Variants in LRP1B observed in about 807,000 individuals in gnomAD.
The protein encoded by LRP1B is LDL receptor related protein 1B.
A neutral mutation model predicts 556.6 loss-of-function variants in LRP1B; 217 were observed. The observed-to-expected ratio is 0.39, with a 90% confidence interval of 0.35 to 0.44. LRP1B has a LOEUF of 0.44. Among genes scored for constraint, LRP1B ranks in the 20% least tolerant of loss-of-function variants. The pLI, the probability that LRP1B is intolerant of heterozygous loss-of-function variation, is 1.00. For synonymous variants in LRP1B, 2,047 were observed against 1,865.8 expected (o/e 1.10, Z -2.50); for missense variants, 5,053 against 5,620.8 (o/e 0.90, Z 3.23).
intron 66 of LRP1B, among the ~76,000 whole-genome samples, chr2:140,418,879 T>G (rs1210177183): frequency 2.0e-5 from 3 of 152,096 alleles, no homozygotes; most frequent in Non-Finnish European, 4.4e-5. Flanking sequence ...GAAACTGGTC[T>G]CCGGTGCCGA....
chr2:140,414,981 C>A (rs540750014), intron 66 of LRP1B, among the ~76,000 whole-genome samples: 1 of 152,098 alleles, frequency 6.6e-6, no homozygotes, highest in East Asian at 1.9e-4. Context: ...AATATTAGTA[C>A]CCTGGGAAAG....
At chr2:141,946,419 T>A (rs112110066) in intron 1 of LRP1B, among the ~76,000 whole-genome samples, 1 of 152,082 alleles carries the variant, frequency 6.6e-6, no homozygotes, top group Admixed American at 6.6e-5. Context: ...AGGTGTTGAG[T>A]CTTAGGTGGA....
chr2:140,379,358 T>C (rs2105185343), intron 67 of LRP1B, among the ~76,000 whole-genome samples: 1 of 152,288 alleles, frequency 6.6e-6, no homozygotes, highest in East Asian at 1.9e-4. Flanking sequence ...GAGTAACATC[T>C]TGATGGTTTG....
chr2:142,019,343 T>C (rs766625980), intron 1 of LRP1B, among the ~76,000 whole-genome samples: 1 of 152,202 alleles, frequency 6.6e-6, no homozygotes, highest in Non-Finnish European at 1.5e-5. Context: ...TTCCTAATTA[T>C]GATACACGAT....
intron 67 of LRP1B, among the ~76,000 whole-genome samples, chr2:140,378,652 T>A (rs947629081): frequency 6.6e-6 from 1 of 152,186 alleles, no homozygotes; most frequent in Non-Finnish European, 1.5e-5. Flanking sequence ...TTTAAGTAAG[T>A]ATGACATTTT....
intron 1 of LRP1B, among the ~76,000 whole-genome samples, chr2:141,850,689 C>T (rs1179311697): frequency 6.7e-6 from 1 of 149,394 alleles, no homozygotes; most frequent in East Asian, 2.0e-4. Flanking sequence ...TCAAAATTCT[C>T]ATTCCTGGCA....
Position 141,116,623 on chromosome 2 carries a change from A to G in LRP1B, c.1014-54350T>C, listed in dbSNP as rs184599228. On this transcript the variant is annotated intron_variant, in intron 7 of 90. Coordinates refer to ENST00000389484, the MANE Select transcript of LRP1B (RefSeq NM_018557.3). ...AAATCCCAGGGGCTCCTTAGAAGGT[A>G]GTATGGAAACCAGTATCATCTTTAT... is the stretch of plus-strand genomic sequence containing the variant. Among the ~76,000 whole-genome samples, 260 of 152,278 alleles carry G rather than the reference A, an allele frequency of 1.7e-3. 1 individual carries two copies. Among genetic ancestry groups the G allele is most frequent in the Admixed American group, 3.5e-3 (54 of 15,290 alleles).
chr2:141,275,923 T>C lies in LRP1B; in HGVS notation c.344-21282A>G, dbSNP rs147084712. Reference sequence around the variant, plus strand: ...CATGTAATGTACATATATATATATATACACATACACATATATAAAACTTTT... The same window carrying C: ...CATGTAATGTACATATATATATATACACACATACACATATATAAAACTTTT... On this transcript the variant is annotated intron_variant, in intron 3 of 90. Coordinates refer to ENST00000389484, the MANE Select transcript of LRP1B (RefSeq NM_018557.3). 4.9e-3 allele frequency among the ~76,000 whole-genome samples: 734 copies of C among 151,198 alleles called. 6 individuals are homozygous for C. Among genetic ancestry groups the C allele is most frequent in the African/African-American group, 0.017 (699 of 41,396 alleles).
At chr2:140,501,225 T>C (rs768411379) in intron 55 of LRP1B, among the ~76,000 whole-genome samples, 7 of 152,022 alleles carry the variant, frequency 4.6e-5, no homozygotes, top group Non-Finnish European at 1.0e-4. Flanking sequence ...TCATAGTTTA[T>C]GGATTTTTTA....
In LRP1B at chr2:140,930,879, T is replaced by G. The variant is rs776525398; in HGVS notation, c.3137-7732A>C. On this transcript the variant is annotated intron_variant, in intron 20 of 90. Transcript: ENST00000389484. ...ATTTCTTCTCCAGCCCTGACACTAC[T>G]TAGAAGCTGGTCTGGCAGCACATCC... 4.5e-4 allele frequency among the ~76,000 whole-genome samples: 68 copies of G among 152,126 alleles called. 1 individual carries two copies. The highest frequency in any genetic ancestry group is 6.9e-4 in the Non-Finnish European group (47 of 68,006).
chr2:141,818,835 T>C (rs7587392), intron 1 of LRP1B, among the ~76,000 whole-genome samples: 150,780 of 151,878 alleles, frequency 0.99, 74,852 homozygotes, highest in Middle Eastern at 1. Context: ...CGCACCTGGA[T>C]AACATTTCTG....
At chr2:141,335,819 G>T (rs1038439445) in intron 3 of LRP1B, among the ~76,000 whole-genome samples, 1 of 152,086 alleles carries the variant, frequency 6.6e-6, no homozygotes, top group Non-Finnish European at 1.5e-5. Flanking sequence ...ATGCGTGTGT[G>T]TTGTGTGTAT....
rs1684102883 is a variant in LRP1B, at chr2:141,247,318, T to C, written c.500A>G (p.Gln167Arg). The C allele has an allele frequency of 6.2e-7, 1 of 1,613,690 alleles. No individual in the cohort carries two copies. Among genetic ancestry groups the C allele is most frequent in the South Asian group, 1.1e-5 (1 of 91,088 alleles). ...DECAVYGTCSQTCRNTHGSYT... is the reference protein window; with the variant it reads ...DECAVYGTCSRTCRNTHGSYT... Reference sequence around the variant, plus strand: ...GGATCCATGTGTGTTTCTGCAGGTCTGGCTGCATGTACCATAAACAGCACA... The same window carrying C: ...GGATCCATGTGTGTTTCTGCAGGTCCGGCTGCATGTACCATAAACAGCACA... The change falls in exon 5 of 91, where the codon CAG becomes CGG. Residue 167 changes from glutamine to arginine, a missense_variant. Physicochemically the swap from Gln to Arg is conservative, Grantham distance 43. Transcript: ENST00000389484.
intron 43 of LRP1B, among the ~76,000 whole-genome samples, chr2:140,543,539 T>G (rs1039908843): frequency 6.6e-6 from 1 of 151,940 alleles, no homozygotes. Flanking sequence ...AAAAACCATT[T>G]GATAAGATAT....
chr2:140,456,271 C>T (rs1377004749), intron 62 of LRP1B, among the ~76,000 whole-genome samples, 184 bp downstream of exon 62: 1 of 151,782 alleles, frequency 6.6e-6, no homozygotes, highest in East Asian at 1.9e-4. Flanking sequence ...TTGTTTGTTT[C>T]CTTTTTGGCC....
intron 3 of LRP1B, among the ~76,000 whole-genome samples, chr2:141,382,138 A>G (rs1413824282): frequency 6.6e-6 from 1 of 152,140 alleles, no homozygotes; most frequent in Non-Finnish European, 1.5e-5. Context: ...ATTTTCTCAC[A>G]CTAGTGTCTT....
chr2:141,873,696 G>C (rs1698664412), intron 1 of LRP1B, among the ~76,000 whole-genome samples: 1 of 151,820 alleles, frequency 6.6e-6, no homozygotes, highest in Non-Finnish European at 1.5e-5. Flanking sequence ...AAGAAATGCT[G>C]GTTTCAGGTC....
chr2:141,100,144 C>T (rs1484802056), intron 7 of LRP1B, among the ~76,000 whole-genome samples: 2 of 152,090 alleles, frequency 1.3e-5, no homozygotes, highest in South Asian at 2.1e-4. Flanking sequence ...GATGTGAAAC[C>T]TAATATACCA....
intron 41 of LRP1B, among the ~76,000 whole-genome samples, chr2:140,612,902 C>A (rs1365591285): frequency 3.3e-5 from 5 of 151,994 alleles, no homozygotes; most frequent in Non-Finnish European, 7.4e-5. Context: ...GGACTAAGTT[C>A]ATCTAGCACC....
Sources: gnomAD v4.1 joint callset for allele counts (sites outside exome capture counted in the v4.1 genomes callset) on GRCh38, gnomAD v4.1.1 for gene constraint, MANE v1.5 for transcripts, NCBI Gene and HGNC (gene_info 2026-07-23, HGNC 2026-07-21) for gene names.